Variants in ATM observed in about 807,000 individuals in gnomAD.
ATM encodes the protein serine-protein kinase ATM.
In ATM, 308 loss-of-function variants were observed where a neutral mutation model predicts 387.0. That is an observed-to-expected ratio of 0.80 (90% CI 0.73 to 0.87). ATM has a LOEUF of 0.87. Ranked by LOEUF, ATM falls within the 40% of genes least tolerant of loss-of-function variation. The pLI is 0.00. For synonymous variants in ATM, 1,156 were observed against 1,187.3 expected (o/e 0.97, Z 0.54); for missense variants, 3,312 against 3,560.9 (o/e 0.93, Z 1.78).
Position 108,272,873 on chromosome 11 carries a change from G to C in ATM, c.3284+21G>C, listed in dbSNP as rs1050733067. ...AATAGGTAATGGGTCAAATATTCATGAAGTATTTGGAATGCTGCAGATGGC... is the reference window on the plus strand; with the variant it reads ...AATAGGTAATGGGTCAAATATTCATCAAGTATTTGGAATGCTGCAGATGGC... On this transcript the variant is annotated intron_variant, in intron 22 of 62. Transcript: ENST00000675843. The C allele has an allele frequency of 1.2e-5, 20 of 1,613,652 alleles. No individual in the cohort carries two copies. The African/African-American group carries it at 2.3e-4, about 18-fold the overall frequency.
chr11:108,279,553 A>G lies in ATM; in HGVS notation c.3347A>G (p.Gln1116Arg), dbSNP rs1555090213. Residue 1116 changes from glutamine to arginine, a missense_variant, in exon 23 of 63, where the codon CAG becomes CGG. Around this residue, in one of 4 missense-constraint regions of ATM, gnomAD observed 1,791 missense variants for 1,804.5 expected, o/e 0.99. Transcript: ENST00000675843. Reference sequence around the variant, plus strand: ...CTGAAAGCACTTCCTTTGAAGCTTCAGCAAACAGCTTTTGAAAATGCATAC... The same window carrying G: ...CTGAAAGCACTTCCTTTGAAGCTTCGGCAAACAGCTTTTGAAAATGCATAC... ...RLLKALPLKL[Q>R]QTAFENAYLK... is the part of the protein sequence containing the mutation. 6.2e-7 allele frequency: 1 copy of G among 1,613,864 alleles called. No individual in the cohort carries two copies. Among genetic ancestry groups the G allele is most frequent in the Non-Finnish European group, 8.5e-7 (1 of 1,179,858 alleles).
chr11:108,322,462 TTTCTC>T (rs1358692878), intron 45 of ATM, among the ~76,000 whole-genome samples: 2 of 152,192 alleles, frequency 1.3e-5, no homozygotes, highest in African/African-American at 4.8e-5. Flanking sequence ...CCCCCAATGT[TTTCTC>T]TTCTGGTGAC....
At chr11:108,313,620 C>T (rs536600689) in intron 40 of ATM, among the ~76,000 whole-genome samples, 14 of 152,252 alleles carry the variant, frequency 9.2e-5, no homozygotes, top group African/African-American at 3.4e-4. Context: ...CTTTTGCCTT[C>T]TTCATAGGCT....
rs543930813 is a variant in ATM, at chr11:108,282,251, C to T, written c.3577-459C>T. ...CATGCCATTCTCCTGCCTCAGCCTC[C>T]CGAGTAGCTGGGACTACAGGCGCCC... On this transcript the variant is annotated intron_variant, in intron 24 of 62. Coordinates refer to ENST00000675843, the MANE Select transcript of ATM (RefSeq NM_000051.4). 2.1e-3 allele frequency among the ~76,000 whole-genome samples: 314 copies of T among 152,180 alleles called. 1 individual carries two copies. Among genetic ancestry groups the T allele is most frequent in the African/African-American group, 7.1e-3 (294 of 41,528 alleles).
At chr11:108,232,366 G>A (rs1018625935) in intron 4 of ATM, among the ~76,000 whole-genome samples, 4 of 151,482 alleles carry the variant, frequency 2.6e-5, no homozygotes, top group Non-Finnish European at 4.4e-5. Context: ...TGTTTTTTAC[G>A]AAAAGATTGG....
chr11:108,329,097 CATT>C lies in ATM; in HGVS notation c.7168_7170del (p.Leu2390del). ...AATGGAAAAATGAAGGCATTTCTCT[CATT>C]AGCCCGGTTTTCAGATACTCAATAC... On this transcript the variant is annotated inframe_deletion, in exon 49 of 63. Coordinates refer to ENST00000675843, the MANE Select transcript of ATM (RefSeq NM_000051.4). 1 of 1,614,092 alleles carries C rather than the reference CATT, an allele frequency of 6.2e-7. No homozygotes were observed. The highest frequency in any genetic ancestry group is 1.1e-5 in the South Asian group (1 of 91,074).
At position 108,289,005 on chromosome 11, in the gene ATM, C is replaced by T. The variant is rs3092856; in HGVS notation, c.4138C>T (p.His1380Tyr). 7.3e-3 allele frequency: 11,708 copies of T among 1,613,616 alleles called. 318 individuals are homozygous for T. Among genetic ancestry groups the T allele is most frequent in the African/African-American group, 0.069 (5,169 of 75,032 alleles). ...TTTGGATCCTGCTCCTAATCCACCT[C>T]ATTTTCCATCGCATGTGATTAAAGC... is the stretch of plus-strand genomic sequence containing the variant. ...GDLDPAPNPP[H>Y]FPSHVIKATF... Residue 1380 changes from histidine to tyrosine, a missense_variant, in exon 28 of 63, where the codon CAT becomes TAT. Around this residue, in one of 4 missense-constraint regions of ATM, gnomAD observed 1,791 missense variants for 1,804.5 expected, o/e 0.99. Transcript: ENST00000675843.
At chr11:108,280,260 A>G (rs2082163584) in intron 23 of ATM, among the ~76,000 whole-genome samples, 2 of 152,180 alleles carry the variant, frequency 1.3e-5, no homozygotes, top group Admixed American at 6.5e-5. Context: ...TATATTATAC[A>G]TTTTAAATCA....
At chr11:108,266,250 A>T (rs567999457) in intron 16 of ATM, among the ~76,000 whole-genome samples, 1 of 151,524 alleles carries the variant, frequency 6.6e-6, no homozygotes, top group Non-Finnish European at 1.5e-5. Flanking sequence ...TCCAACAATG[A>T]TAGACTGGAT....
At position 108,246,965 on chromosome 11, in the gene ATM, T is replaced by G. The variant is rs876659335; in HGVS notation, c.903T>G (p.Gly301=). The G allele has an allele frequency of 1.2e-6, 2 of 1,608,360 alleles. No individual in the cohort carries two copies. The highest frequency in any genetic ancestry group is 1.7e-6 in the Non-Finnish European group (2 of 1,176,254). ...ACATTTTAATTTTTTGGATTACAGGTGCTTATGAATCAACAAAATGGAGAA... is the reference window on the plus strand; with the variant it reads ...ACATTTTAATTTTTTGGATTACAGGGGCTTATGAATCAACAAAATGGAGAA... ...HPKGAKTQEK[G]AYESTKWRSI... is the part of the protein sequence containing the mutation. The change falls in exon 8 of 63, where the codon GGT becomes GGG. Residue 301 remains glycine (G), a splice_region_variant and synonymous_variant. Coordinates refer to ENST00000675843, the MANE Select transcript of ATM (RefSeq NM_000051.4).
chr11:108,258,380 A>T (rs953346748), intron 15 of ATM, among the ~76,000 whole-genome samples: 1 of 152,142 alleles, frequency 6.6e-6, no homozygotes, highest in Admixed American at 6.5e-5. Flanking sequence ...TATTCCTGGG[A>T]CACTTTCATT....
chr11:108,276,484 T>C (rs1364294182), intron 22 of ATM, among the ~76,000 whole-genome samples: 4 of 152,222 alleles, frequency 2.6e-5, no homozygotes, highest in Non-Finnish European at 5.9e-5. Flanking sequence ...TGGTTTTTCC[T>C]CATCTTCGTG....
At chr11:108,260,117 C>T (rs896290584) in intron 16 of ATM, among the ~76,000 whole-genome samples, 1 of 151,240 alleles carries the variant, frequency 6.6e-6, no homozygotes, top group Non-Finnish European at 1.5e-5. Context: ...TCACTGCAGC[C>T]CCCACCTCCT....
intron 34 of ATM, among the ~76,000 whole-genome samples, chr11:108,301,167 A>G (rs1017468989): frequency 2.1e-4 from 32 of 152,182 alleles, no homozygotes; most frequent in African/African-American, 5.3e-4. Context: ...TTCATTTCAT[A>G]GTAATTCGAA....
At chr11:108,336,105 T>TTG in intron 56 of ATM, 144 bp downstream of exon 56, 1 of 634,326 alleles carries the variant, frequency 1.6e-6, no homozygotes, top group Non-Finnish European at 2.8e-6. Flanking sequence ...GAGACCAGCC[T>TTG]CAGCAACATA....
chr11:108,323,184 C>G (rs565005159), intron 45 of ATM, among the ~76,000 whole-genome samples: 1 of 152,058 alleles, frequency 6.6e-6, no homozygotes, highest in African/African-American at 2.4e-5. Flanking sequence ...ATAGTTTTTT[C>G]AAAATGACAT....
At chr11:108,294,013 T>C (rs1017750382) in intron 31 of ATM, among the ~76,000 whole-genome samples, 1 of 151,160 alleles carries the variant, frequency 6.6e-6, no homozygotes, top group African/African-American at 2.4e-5. Flanking sequence ...TCTCTTTGCA[T>C]TGAAGCCAAA....
chr11:108,273,234 T>C lies in ATM; in HGVS notation c.3284+382T>C, dbSNP rs189826589. Reference sequence around the variant, plus strand: ...TTTTACATTGTGCTAATTACAATTATATTTACTTGAGTGAACATCCAGTGA... The same window carrying C: ...TTTTACATTGTGCTAATTACAATTACATTTACTTGAGTGAACATCCAGTGA... On this transcript the variant is annotated intron_variant, in intron 22 of 62. Transcript: ENST00000675843. Among the ~76,000 whole-genome samples, 72 of 152,170 alleles carry C rather than the reference T, an allele frequency of 4.7e-4. No individual in the cohort carries two copies. The highest frequency in any genetic ancestry group is 6.8e-4 in the Non-Finnish European group (46 of 68,016).
At chr11:108,357,944 A>G (rs2090219909) in intron 61 of ATM, among the ~76,000 whole-genome samples, 1 of 150,870 alleles carries the variant, frequency 6.6e-6, no homozygotes, top group Admixed American at 6.6e-5. Flanking sequence ...AGCTGGATGG[A>G]GAATGACTTT....
Sources: gnomAD v4.1 joint callset for allele counts (sites outside exome capture counted in the v4.1 genomes callset) on GRCh38, gnomAD v4.1.1 for gene constraint, gnomAD v4.1.1 regional missense constraint, MANE v1.5 for transcripts, NCBI Gene and HGNC (gene_info 2026-07-23, HGNC 2026-07-21) for gene names.